ALK: variants seen among roughly 807,000 people sequenced by gnomAD.
ALK encodes ALK tyrosine kinase receptor.
In ALK, 74 loss-of-function variants were observed where a neutral mutation model predicts 163.1. The observed-to-expected ratio is 0.45, with a 90% confidence interval of 0.38 to 0.55. ALK has a LOEUF of 0.55. Ranked by LOEUF, ALK falls within the 20% of genes least tolerant of loss-of-function variation. ALK has a pLI of 0.00. For synonymous variants in ALK, 960 were observed against 843.2 expected, an observed-to-expected ratio of 1.14 and a Z score of -2.40; for missense variants, 2,063 against 2,105.3, an observed-to-expected ratio of 0.98 and a Z score of 0.39.
At chr2:29,399,794 C>T (rs898799152) in intron 4 of ALK, among the ~76,000 whole-genome samples, 8 of 152,164 alleles carry the variant, frequency 5.3e-5, no homozygotes, top group African/African-American at 1.4e-4. Context: ...TGGGAGTCTC[C>T]TTCTTCCTTG....
At chr2:29,712,004 T>G (rs1006270482) in intron 2 of ALK, among the ~76,000 whole-genome samples, 1 of 152,216 alleles carries the variant, frequency 6.6e-6, no homozygotes, top group South Asian at 2.1e-4. Context: ...GCCACCAACA[T>G]AGAGATAAAT....
At chr2:29,471,750 T>A (rs1032032689) in intron 4 of ALK, among the ~76,000 whole-genome samples, 3 of 151,984 alleles carry the variant, frequency 2.0e-5, no homozygotes, top group African/African-American at 7.3e-5. Flanking sequence ...CTTTTTTTTT[T>A]TTTTGAGACA....
intron 1 of ALK, among the ~76,000 whole-genome samples, 191 bp downstream of exon 1, chr2:29,919,802 C>G (rs752944039): frequency 2.6e-5 from 4 of 152,164 alleles, no homozygotes; most frequent in Non-Finnish European, 5.9e-5. Flanking sequence ...AAGGAAGACC[C>G]CTGAACTGCG....
intron 3 of ALK, among the ~76,000 whole-genome samples, chr2:29,614,052 G>A (rs965507430): frequency 6.6e-6 from 1 of 152,144 alleles, no homozygotes; most frequent in Non-Finnish European, 1.5e-5. Flanking sequence ...AGACTCACCG[G>A]GGGCATCAGG....
In ALK at chr2:29,920,271, C is replaced by A. The variant is rs1553380330; in HGVS notation, c.389G>T (p.Gly130Val). 6.3e-7 allele frequency: 1 copy of A among 1,593,966 alleles called. No homozygotes were observed. Among genetic ancestry groups the A allele is most frequent in the Non-Finnish European group, 8.5e-7 (1 of 1,171,244 alleles). Reference sequence around the variant, plus strand: ...GGCACGCCGGAGCTTGCGCACGGAGCCGCCCTTCAGCACCCTGGACAGCGT... The same window carrying A: ...GGCACGCCGGAGCTTGCGCACGGAGACGCCCTTCAGCACCCTGGACAGCGT... Reference protein sequence around the residue: ...ARTLSRVLKGGSVRKLRRAKQ... With the variant: ...ARTLSRVLKGVSVRKLRRAKQ... Residue 130 changes from glycine (G) to valine (V), a missense_variant, in exon 1 of 29, where the codon GGC becomes GTC. Physicochemically the swap from Gly to Val is moderately radical, Grantham distance 109. Transcript: ENST00000389048.
intron 1 of ALK, among the ~76,000 whole-genome samples, chr2:29,775,614 C>T (rs1265892053): frequency 6.6e-6 from 1 of 151,934 alleles, no homozygotes; most frequent in African/African-American, 2.4e-5. Context: ...TAGGGCAGTG[C>T]TTAGTTAATC....
intron 2 of ALK, among the ~76,000 whole-genome samples, chr2:29,713,486 T>C (rs184735305): frequency 6.6e-6 from 1 of 152,246 alleles, no homozygotes; most frequent in East Asian, 1.9e-4. Context: ...TAGTCTCCAT[T>C]TGGTGATATC....
chr2:29,476,824 T>A (rs1353596094), intron 4 of ALK, among the ~76,000 whole-genome samples: 1 of 152,196 alleles, frequency 6.6e-6, no homozygotes, highest in African/African-American at 2.4e-5. Context: ...TTTCTTGCTG[T>A]GATGTCACAC....
At chr2:29,870,206 C>G (rs546288235) in intron 1 of ALK, among the ~76,000 whole-genome samples, 212 of 152,168 alleles carry the variant, frequency 1.4e-3, no homozygotes, top group Non-Finnish European at 2.4e-3. Context: ...AAAGACATAC[C>G]TGAGACTGGG....
rs887116924 is a variant in ALK at position 29,752,177 on chromosome 2, CCTTT to C, written c.668-34484_668-34481del. Among the ~76,000 whole-genome samples the C allele has an allele frequency of 2.5e-3, 374 of 151,998 alleles. 8 individuals carry two copies. The highest frequency in any genetic ancestry group is 4.4e-4 in the Non-Finnish European group (30 of 67,962). On this transcript the variant is annotated intron_variant, in intron 1 of 28. Transcript: ENST00000389048. ...AGTAGAAACCATATTTTAAATTTTGCCTTTTTTTGTTTATTTTTATTATTATAAA... is the reference window on the plus strand; with the variant it reads ...AGTAGAAACCATATTTTAAATTTTGCTTTTGTTTATTTTTATTATTATAAA...
rs566407031 is a variant in ALK, at chr2:29,379,422, T to C, written c.1282+4310A>G. Among the ~76,000 whole-genome samples the C allele has an allele frequency of 9.2e-5, 14 of 152,350 alleles. No homozygotes were observed. In the South Asian group the frequency reaches 2.5e-3, roughly 27 times the overall value. The stretch of plus-strand genomic sequence containing the variant: ...ATTCGTGTGGTGTTTTCTGTGTGTT[T>C]AGCACCATGCTAGCTGCTCCCTGGA... On this transcript the variant is annotated intron_variant, in intron 5 of 28. Transcript: ENST00000389048.
chr2:29,239,569 A>T lies in ALK; in HGVS notation c.2355+111T>A, dbSNP rs2148188569. ...CTGTTTAATTACTCTTTGCTGTCTC[A>T]TTCTCCTGGTATGAACTTCCAGGAG... On this transcript the variant is annotated intron_variant, in intron 13 of 28. Coordinates refer to ENST00000389048, the MANE Select transcript of ALK (RefSeq NM_004304.5). The T allele has an allele frequency of 3.7e-6, 5 of 1,338,674 alleles. 1 individual carries two copies. The South Asian group carries it at 5.9e-5, about 16-fold the overall frequency. 82.9% of individuals were successfully genotyped at this position (1,338,674 alleles called of 1,614,324 possible). A position where few individuals can be genotyped will look rare whatever the true frequency, so the allele number is the denominator to read the frequency against.
chr2:29,246,731 C>T lies in ALK; in HGVS notation c.2204+4374G>A, dbSNP rs181212253. ...CTCCTGAGCACCTCTGGGCCTGTCC[C>T]CTGCACCTGACCCTCCCCTGCCATC... On this transcript the variant is annotated intron_variant, in intron 12 of 28. Coordinates refer to ENST00000389048, the MANE Select transcript of ALK (RefSeq NM_004304.5). This position sits in a 1 kb window ranked among gnomAD's most constrained non-coding sequence, Gnocchi z 4.3. Among the ~76,000 whole-genome samples, 2 of 152,326 alleles carry T rather than the reference C, an allele frequency of 1.3e-5. No homozygotes were observed. Among genetic ancestry groups the T allele is most frequent in the African/African-American group, 4.8e-5 (2 of 41,570 alleles).
rs568460244 is a variant in ALK, at chr2:29,760,750, G to C, written c.668-43053C>G. 1.4e-4 allele frequency among the ~76,000 whole-genome samples: 22 copies of C among 152,308 alleles called. No individual in the cohort carries two copies. In the East Asian group the frequency reaches 2.9e-3, roughly 20 times the overall value. On this transcript the variant is annotated intron_variant, in intron 1 of 28. Coordinates refer to ENST00000389048, the MANE Select transcript of ALK (RefSeq NM_004304.5). ...ACTAATTTTTATTTGGGGGTAGAGG[G>C]AGTATTTGAAACTCTGGAACCCAAC...
chr2:29,370,387 G>A (rs1161210309), intron 5 of ALK, among the ~76,000 whole-genome samples: 2 of 152,170 alleles, frequency 1.3e-5, no homozygotes, highest in Non-Finnish European at 2.9e-5. Flanking sequence ...GTGTGTTTCT[G>A]AATCATAAAT....
intron 4 of ALK, among the ~76,000 whole-genome samples, chr2:29,410,540 C>T (rs1433413134): frequency 6.6e-6 from 1 of 152,186 alleles, no homozygotes; most frequent in Non-Finnish European, 1.5e-5. Flanking sequence ...ACGTCCTCAA[C>T]CTTGGCAAAA....
At chr2:29,426,963 A>G (rs1399283775) in intron 4 of ALK, among the ~76,000 whole-genome samples, 1 of 129,964 alleles carries the variant, frequency 7.7e-6, no homozygotes, top group Non-Finnish European at 1.6e-5. Context: ...GCTTAAACCC[A>G]GGGAGGCAGA....
intron 4 of ALK, 94 bp downstream of exon 4, chr2:29,531,821 A>T (rs1673126154): frequency 7.9e-7 from 1 of 1,269,848 alleles, no homozygotes; most frequent in Non-Finnish European, 1.1e-6. Flanking sequence ...GACAATCATG[A>T]GTTTGTAAGT....
chr2:29,208,712 C>T (rs1213447037), intron 25 of ALK, among the ~76,000 whole-genome samples: 4 of 152,030 alleles, frequency 2.6e-5, no homozygotes, highest in African/African-American at 2.4e-5. Context: ...ACTTATTCCC[C>T]AAAGAGTTAA....
Sources: allele counts gnomAD v4.1 joint callset (sites outside exome capture counted in the v4.1 genomes callset), GRCh38; gene constraint gnomAD v4.1.1; non-coding constraint Gnocchi (gnomAD v3.1); transcripts MANE v1.5; gene names NCBI Gene and HGNC (gene_info 2026-07-23, HGNC 2026-07-21).